The following DMD variants were observed in gnomAD, a reference collection of about 807,000 sequenced individuals.
The protein encoded by DMD is mutant dystrophin.
A neutral mutation model predicts 330.1 loss-of-function variants in DMD; 63 were observed. The ratio of observed to expected loss-of-function variants is 0.19; its 90% confidence interval spans 0.16 to 0.24. The LOEUF (loss-of-function observed/expected upper bound fraction) is 0.24. Ranked by LOEUF, DMD falls within the 10% of genes least tolerant of loss-of-function variation. The probability of loss-of-function intolerance (pLI) is 1.00; values close to 1 mark genes in which losing one functional copy is unlikely to be tolerated. For missense variants in DMD, 3,344 were observed against 2,684.1 expected (o/e 1.25, Z -5.43); for synonymous variants, 1,223 against 959.8 (o/e 1.27, Z -5.07).
Position 31,716,058 on chromosome X carries a change from G to A in DMD, c.7660+13573C>T, listed in dbSNP as rs145321805. 7.8e-3 allele frequency among the ~76,000 whole-genome samples: 876 copies of A among 112,125 alleles called. 6 individuals are homozygous for A. The highest frequency in any genetic ancestry group is 0.026 in the African/African-American group (816 of 30,854). ...AAGGAGTAACCGTTTGATGCTTACT[G>A]TCCATCAGGGAGGCGAAACATATAC... On this transcript the variant is annotated intron_variant, in intron 52 of 78. Transcript: ENST00000357033.
At chrX:31,623,929 T>C (rs1214253085) in intron 55 of DMD, among the ~76,000 whole-genome samples, 3 of 111,277 alleles carry the variant, frequency 2.7e-5, no homozygotes, top group Non-Finnish European at 3.8e-5. Context: ...TCAGGGGTAC[T>C]TAGAGAACCA....
intron 9 of DMD, among the ~76,000 whole-genome samples, chrX:32,661,371 TATTGTCTA>T (rs781528610): frequency 0.036 from 4,049 of 110,961 alleles, 184 homozygotes; most frequent in African/African-American, 0.13. Flanking sequence ...AAGGGATGAT[TATTGTCTA>T]CATTTTACTA....
intron 7 of DMD, among the ~76,000 whole-genome samples, chrX:32,739,156 G>C (rs951192363): frequency 6.3e-5 from 7 of 111,577 alleles, no homozygotes; most frequent in African/African-American, 1.6e-4. Context: ...ATGAGGAAAA[G>C]GCTCAGGGAT....
intron 1 of DMD, among the ~76,000 whole-genome samples, chrX:33,165,471 T>C (rs1273713729): frequency 9.0e-6 from 1 of 111,590 alleles, no homozygotes; most frequent in Admixed American, 9.6e-5. Flanking sequence ...TGATAATACA[T>C]GTCTGTAGTA....
intron 2 of DMD, among the ~76,000 whole-genome samples, chrX:32,906,819 G>T (rs1299142501): frequency 9.0e-6 from 1 of 111,393 alleles, no homozygotes; most frequent in Non-Finnish European, 1.9e-5. Flanking sequence ...ACACAGAAGT[G>T]TCAAAGTTGA....
intron 1 of DMD, among the ~76,000 whole-genome samples, chrX:33,143,199 T>C (rs1350289749): frequency 9.0e-6 from 1 of 111,315 alleles, no homozygotes; most frequent in African/African-American, 3.3e-5. Flanking sequence ...TAGAACATAA[T>C]ACAAACTTCA....
intron 42 of DMD, among the ~76,000 whole-genome samples, chrX:32,298,646 A>T (rs2148518523): frequency 9.0e-6 from 1 of 110,862 alleles, no homozygotes; most frequent in East Asian, 2.9e-4. Context: ...TTCCCTTTCC[A>T]GACCTCTTTT....
At chrX:32,645,191 T>G (rs72470509) in intron 9 of DMD, 39 bp from the exon 10 acceptor site, 2 of 1,171,013 alleles carry the variant, frequency 1.7e-6, no homozygotes, top group African/African-American at 1.8e-5. Flanking sequence ...ACAATTAATG[T>G]CTTTGCAGAT....
chrX:32,897,756 TAAG>T (rs1421966902), intron 2 of DMD, among the ~76,000 whole-genome samples: 2 of 112,056 alleles, frequency 1.8e-5, no homozygotes, highest in Non-Finnish European at 3.8e-5. Context: ...TTCATACTAT[TAAG>T]AAGAGCATGA....
At chrX:32,778,494 C>G (rs772885467) in intron 7 of DMD, among the ~76,000 whole-genome samples, 7 of 111,489 alleles carry the variant, frequency 6.3e-5, no homozygotes, top group Non-Finnish European at 1.3e-4. Flanking sequence ...TTCCCAAAAT[C>G]TTAATGGCTT....
At chrX:32,134,739 C>A (rs2146968825) in intron 44 of DMD, among the ~76,000 whole-genome samples, 1 of 111,453 alleles carries the variant, frequency 9.0e-6, no homozygotes, top group East Asian at 2.8e-4. Context: ...GTTATTGCCA[C>A]TTGTATAAGT....
chrX:32,649,053 A>G (rs1036863699), intron 9 of DMD, among the ~76,000 whole-genome samples: 5 of 110,965 alleles, frequency 4.5e-5, no homozygotes, highest in Non-Finnish European at 9.4e-5. Flanking sequence ...TCTCTTCAGT[A>G]CATTGGGCAA....
At chrX:32,476,488 G>T (rs1334876493) in intron 21 of DMD, among the ~76,000 whole-genome samples, 1 of 110,942 alleles carries the variant, frequency 9.0e-6, no homozygotes, top group Non-Finnish European at 1.9e-5. Flanking sequence ...AATATAGTTT[G>T]TGAGGCAAGC....
intron 7 of DMD, among the ~76,000 whole-genome samples, chrX:32,784,912 T>C (rs1164559628): frequency 9.0e-6 from 1 of 111,543 alleles, no homozygotes; most frequent in Non-Finnish European, 1.9e-5. Flanking sequence ...TGGCAGACTG[T>C]ATATCTTTTA....
At chrX:32,690,426 A>C (rs6527218) in intron 9 of DMD, among the ~76,000 whole-genome samples, 15,652 of 111,071 alleles carry the variant, frequency 0.14, 2,618 homozygotes, top group African/African-American at 0.47. Context: ...ACATTCAAAG[A>C]AATCTACAGA....
At chrX:31,762,729 T>C (rs1245437727) in intron 51 of DMD, among the ~76,000 whole-genome samples, 12 of 111,475 alleles carry the variant, frequency 1.1e-4, no homozygotes, top group South Asian at 3.7e-4. Context: ...AAAGAAACTA[T>C]CTGGATAAGC....
intron 4 of DMD, among the ~76,000 whole-genome samples, chrX:32,825,037 A>G (rs1286470367): frequency 8.9e-6 from 1 of 111,988 alleles, no homozygotes; most frequent in East Asian, 2.8e-4. Flanking sequence ...CCTTTTGGCT[A>G]TCTGCCAGGC....
chrX:32,768,385 T>A (rs767212714), intron 7 of DMD, among the ~76,000 whole-genome samples: 180 of 111,800 alleles, frequency 1.6e-3, no homozygotes, highest in Admixed American at 2.7e-3. Context: ...TCTGATACAA[T>A]CTTTGCCCAC....
chrX:32,073,550 G>T (rs181223105), intron 44 of DMD, among the ~76,000 whole-genome samples: 185 of 111,214 alleles, frequency 1.7e-3, no homozygotes, highest in Non-Finnish European at 3.0e-3. Context: ...ATTTCAAACT[G>T]TCAAAAATCC....
Sources: allele counts gnomAD v4.1 joint callset (sites outside exome capture counted in the v4.1 genomes callset), GRCh38; gene constraint gnomAD v4.1.1; transcripts MANE v1.5; gene names NCBI Gene and HGNC (gene_info 2026-07-23, HGNC 2026-07-21).